KCMF1: variants seen among roughly 807,000 people sequenced by gnomAD.
KCMF1 encodes E3 ubiquitin-protein ligase KCMF1.
Under a neutral mutation model 41.1 loss-of-function variants are expected in KCMF1, and 3 were observed. The observed-to-expected ratio is 0.07, with a 90% CI of 0.03 to 0.19. The LOEUF (loss-of-function observed/expected upper bound fraction) is 0.19. Among genes scored for constraint, KCMF1 ranks in the 10% least tolerant of loss-of-function variants. KCMF1 has a pLI of 1.00. For synonymous variants in KCMF1, 142 were observed against 164.5 expected, an observed-to-expected ratio of 0.86 and a Z score of 1.04; for missense variants, 286 against 488.9, an observed-to-expected ratio of 0.58 and a Z score of 3.91.
chr2:84,998,174 C>T (rs1015520450), intron 1 of KCMF1, among the ~76,000 whole-genome samples: 8 of 151,862 alleles, frequency 5.3e-5, no homozygotes, highest in African/African-American at 1.9e-4. Context: ...TCACTGCAAC[C>T]TCTGCCTCCC....
chr2:85,053,937 G>A lies in KCMF1; in HGVS notation c.*528G>A, dbSNP rs905561188. 3 of 152,542 alleles carry A rather than the reference G, an allele frequency of 2.0e-5. No homozygotes were observed. Among genetic ancestry groups the A allele is most frequent in the East Asian group, 1.9e-4 (1 of 5,212 alleles). The allele number at this position is 152,542 out of a possible 1,614,324, so 9.4% of individuals were successfully genotyped here. ...AGTAGCTTTTGAATAATGTCTGCCT[G>A]AATCACCTTTCTTTGTGTGCCTCCT... is the stretch of plus-strand genomic sequence containing the variant. On this transcript the variant is annotated 3_prime_UTR_variant, in exon 7 of 7. Coordinates refer to ENST00000409785, the MANE Select transcript of KCMF1 (RefSeq NM_020122.5).
intron 1 of KCMF1, among the ~76,000 whole-genome samples, chr2:85,008,298 A>ATATTATATATGATATAAAATATATATC (rs1558573393): frequency 3.8e-5 from 3 of 77,936 alleles, no homozygotes; most frequent in African/African-American, 1.9e-4. Context: ...TAATATATAT[A>ATATTATATATGATATAAAATATATATC]ATATATAATA....
Position 85,055,848 on chromosome 2 carries a change from G to A in KCMF1, c.*2439G>A, listed in dbSNP as rs554177229. On this transcript the variant is annotated 3_prime_UTR_variant, in exon 7 of 7. Coordinates refer to ENST00000409785, the MANE Select transcript of KCMF1 (RefSeq NM_020122.5). Reference sequence around the variant, plus strand: ...TTGGCAGCACCTTCAAATTTCTAAGGACCAGATCCTGAATTTTGAGAATTT... The same window carrying A: ...TTGGCAGCACCTTCAAATTTCTAAGAACCAGATCCTGAATTTTGAGAATTT... 1.3e-5 allele frequency: 2 copies of A among 152,180 alleles called. No individual in the cohort carries two copies. Among genetic ancestry groups the A allele is most frequent in the East Asian group, 3.9e-4 (2 of 5,186 alleles). The allele number at this position is 152,180 out of a possible 1,614,324, so 9.4% of individuals were successfully genotyped here.
chr2:85,039,200 T>C (rs966111255), intron 3 of KCMF1, among the ~76,000 whole-genome samples: 14 of 152,228 alleles, frequency 9.2e-5, no homozygotes, highest in Non-Finnish European at 1.3e-4. Context: ...ATAACAAATT[T>C]AGCCAGTCAG....
intron 3 of KCMF1, among the ~76,000 whole-genome samples, chr2:85,040,387 TA>T (rs973888699): frequency 2.0e-5 from 3 of 152,134 alleles, no homozygotes; most frequent in Non-Finnish European, 2.9e-5. Context: ...GATGTAGAAA[TA>T]AAGACACACT....
intron 3 of KCMF1, among the ~76,000 whole-genome samples, chr2:85,041,337 CGAA>C (rs1675529549): frequency 6.6e-6 from 1 of 152,162 alleles, no homozygotes; most frequent in Admixed American, 6.5e-5. Context: ...ATCCTTGTCT[CGAA>C]GGTGCTTTTC....
At chr2:85,000,278 A>AC (rs1674295690) in intron 1 of KCMF1, among the ~76,000 whole-genome samples, 1 of 152,070 alleles carries the variant, frequency 6.6e-6, no homozygotes, top group Non-Finnish European at 1.5e-5. Context: ...GGTGCCCGCT[A>AC]CCATGCCCAG....
At chr2:84,984,549 G>A (rs545871202) in intron 1 of KCMF1, among the ~76,000 whole-genome samples, 2 of 151,566 alleles carry the variant, frequency 1.3e-5, no homozygotes, top group East Asian at 1.9e-4. Context: ...GGCTGGGTAC[G>A]GTGGCTCACA....
At chr2:84,983,895 G>C (rs1673830560) in intron 1 of KCMF1, among the ~76,000 whole-genome samples, 1 of 152,060 alleles carries the variant, frequency 6.6e-6, no homozygotes, top group South Asian at 2.1e-4. Flanking sequence ...ATCCTACCTT[G>C]GTCTCCTACA....
chr2:85,029,357 C>T (rs1208169080), intron 2 of KCMF1, among the ~76,000 whole-genome samples: 3 of 152,004 alleles, frequency 2.0e-5, no homozygotes, highest in Non-Finnish European at 4.4e-5. Flanking sequence ...TTAAGATGGT[C>T]AGATCACTTG....
At chr2:85,022,529 AC>A (rs1674971411) in intron 1 of KCMF1, among the ~76,000 whole-genome samples, 1 of 152,142 alleles carries the variant, frequency 6.6e-6, no homozygotes, top group African/African-American at 2.4e-5. Flanking sequence ...CTGACAGTCC[AC>A]TGACAGCCCA....
At chr2:85,001,420 A>G (rs1674326686) in intron 1 of KCMF1, among the ~76,000 whole-genome samples, 1 of 152,072 alleles carries the variant, frequency 6.6e-6, no homozygotes, top group Non-Finnish European at 1.5e-5. Context: ...TAGCCTCCCA[A>G]AGTGCTGGGA....
At chr2:84,980,860 T>C (rs950340674) in intron 1 of KCMF1, among the ~76,000 whole-genome samples, 16 of 152,208 alleles carry the variant, frequency 1.1e-4, no homozygotes, top group African/African-American at 3.9e-4. Context: ...AGGCTGGTCT[T>C]GAACTCTTGG....
In KCMF1 at chr2:84,984,811, A is replaced by T. The variant is rs1017887647; in HGVS notation, c.16+13344A>T. 2.9e-4 allele frequency among the ~76,000 whole-genome samples: 44 copies of T among 152,274 alleles called. 1 individual carries two copies. Among genetic ancestry groups the T allele is most frequent in the African/African-American group, 7.7e-4 (32 of 41,540 alleles). ...CTCCAGTCCAGCCTGGGCAGCAAGT[A>T]AAACTCTGTCTCAAAAAGAAAGAAA... On this transcript the variant is annotated intron_variant, in intron 1 of 6. Coordinates refer to ENST00000409785, the MANE Select transcript of KCMF1 (RefSeq NM_020122.5).
At chr2:85,033,662 G>A (rs1264144857) in intron 2 of KCMF1, among the ~76,000 whole-genome samples, 1 of 152,138 alleles carries the variant, frequency 6.6e-6, no homozygotes, top group Non-Finnish European at 1.5e-5. Context: ...TGAGAAAGGT[G>A]TTAATACCTC....
intron 3 of KCMF1, among the ~76,000 whole-genome samples, chr2:85,041,109 C>G (rs1201835059): frequency 3.9e-5 from 6 of 152,120 alleles, no homozygotes; most frequent in African/African-American, 1.4e-4. Context: ...GATCCTCCCA[C>G]CACAGTAATT....
intron 1 of KCMF1, among the ~76,000 whole-genome samples, chr2:84,994,572 T>A (rs905768360): frequency 6.6e-6 from 1 of 152,072 alleles, no homozygotes; most frequent in Non-Finnish European, 1.5e-5. Flanking sequence ...CCCAGCTAAT[T>A]TTGCATTTTT....
At chr2:85,008,362 T>TCA (rs1452767371) in intron 1 of KCMF1, among the ~76,000 whole-genome samples, 2 of 8,356 alleles carry the variant, frequency 2.4e-4, no homozygotes, top group East Asian at 5.0e-3. Flanking sequence ...ATAATATATA[T>TCA]TATATATCAT....
At chr2:84,972,832 ATATAC>A (rs1673434088) in intron 1 of KCMF1, among the ~76,000 whole-genome samples, 1 of 152,198 alleles carries the variant, frequency 6.6e-6, no homozygotes, top group Admixed American at 6.5e-5. Flanking sequence ...CTAATATGAA[ATATAC>A]TATATTTTCT....
Sources: allele counts gnomAD v4.1 joint callset (sites outside exome capture counted in the v4.1 genomes callset), GRCh38; gene constraint gnomAD v4.1.1; transcripts MANE v1.5; gene names NCBI Gene and HGNC (gene_info 2026-07-23, HGNC 2026-07-21).